STARD9: variants seen among roughly 807,000 people sequenced by gnomAD.
STARD9 encodes StAR related lipid transfer domain containing 9.
Under a neutral mutation model 399.8 loss-of-function variants are expected in STARD9, and 346 were observed. That is an observed-to-expected ratio of 0.87 (90% CI 0.79 to 0.95). STARD9 has a LOEUF of 0.95. STARD9 is among the 40% of genes least tolerant of loss of function. The pLI is 0.00. For missense variants in STARD9, 5,832 were observed against 5,667.5 expected (o/e 1.03, Z -0.93); for synonymous variants, 2,203 against 2,143.5 (o/e 1.03, Z -0.77).
At chr15:42,694,377 G>T (rs753022106) in intron 23 of STARD9, 35 bp downstream of exon 23, 1 of 1,536,058 alleles carries the variant, frequency 6.5e-7, no homozygotes, top group South Asian at 1.2e-5. Context: ...GGAGGGGAAG[G>T]GGTGGGCTGT....
intron 26 of STARD9, among the ~76,000 whole-genome samples, chr15:42,697,594 A>T (rs2060871257): frequency 6.6e-6 from 1 of 152,166 alleles, no homozygotes; most frequent in Non-Finnish European, 1.5e-5. Context: ...GCACTGTGAC[A>T]CCGGAAGTGG....
At position 42,687,315 on chromosome 15, in the gene STARD9, T is replaced by G; in HGVS notation, c.5737T>G (p.Ser1913Ala). Reference protein sequence around the residue: ...ESGKSLLFRESEAREEEELDQ... With the variant: ...ESGKSLLFREAEAREEEELDQ... ...TGGGAAGTCTCTCCTCTTTCGTGAA[T>G]CTGAGGCACGAGAGGAAGAAGAGCT... Residue 1913 changes from serine to alanine, a missense_variant, in exon 23 of 33, where the codon TCT becomes GCT. Physicochemically the swap from Ser to Ala is moderately conservative, Grantham distance 99. This residue lies in a region of STARD9 where 5,828 missense variants were observed against 5,651.1 expected (regional missense o/e 1.03). Transcript: ENST00000290607. 2 of 1,536,832 alleles carry G rather than the reference T, an allele frequency of 1.3e-6. No homozygotes were observed. Among genetic ancestry groups the G allele is most frequent in the Non-Finnish European group, 1.7e-6 (2 of 1,146,930 alleles).
chr15:42,677,340 G>A (rs2060331583), intron 20 of STARD9, among the ~76,000 whole-genome samples: 1 of 152,258 alleles, frequency 6.6e-6, no homozygotes, highest in Admixed American at 6.5e-5. Context: ...GAGCTGCTGA[G>A]TGAAGGATGC....
At chr15:42,702,884 C>T (rs528189204) in intron 26 of STARD9, among the ~76,000 whole-genome samples, 30 of 152,220 alleles carry the variant, frequency 2.0e-4, no homozygotes, top group African/African-American at 6.7e-4. Context: ...AGGTTTTTGC[C>T]GAGAAGTCTG....
chr15:42,588,889 G>T (rs1055618615), intron 3 of STARD9, among the ~76,000 whole-genome samples: 1 of 145,654 alleles, frequency 6.9e-6, no homozygotes, highest in African/African-American at 2.6e-5. Context: ...ATCTTGGCTC[G>T]CTGCAACCTC....
Position 42,692,190 on chromosome 15 carries a change from C to T in STARD9, c.10612C>T (p.Leu3538=). The T allele has an allele frequency of 2.0e-6, 3 of 1,537,134 alleles. No individual in the cohort carries two copies. Among genetic ancestry groups the T allele is most frequent in the African/African-American group, 1.4e-5 (1 of 73,152 alleles). ...HLSTYANICD[L]STTHSSTENA... ...CAGCACTTACGCCAATATTTGTGATCTGTCAACCACACACAGCAGCACTGA... is the reference window on the plus strand; with the variant it reads ...CAGCACTTACGCCAATATTTGTGATTTGTCAACCACACACAGCAGCACTGA... The change falls in exon 23 of 33, where the codon CTG becomes TTG. Residue 3538 remains leucine, a synonymous_variant. Transcript: ENST00000290607.
At chr15:42,699,188 C>A (rs766830451) in intron 26 of STARD9, among the ~76,000 whole-genome samples, 11 of 151,928 alleles carry the variant, frequency 7.2e-5, no homozygotes, top group African/African-American at 1.5e-4. Flanking sequence ...AACATAAAAC[C>A]CTTTCTAGCC....
intron 3 of STARD9, among the ~76,000 whole-genome samples, chr15:42,615,602 G>A (rs1419043151): frequency 6.6e-6 from 1 of 151,228 alleles, no homozygotes; most frequent in African/African-American, 2.4e-5. Flanking sequence ...AAAAATGTGT[G>A]TGTTTATGAT....
At chr15:42,680,888 C>CA (rs1311410485) in intron 20 of STARD9, among the ~76,000 whole-genome samples, 3 of 152,134 alleles carry the variant, frequency 2.0e-5, no homozygotes, top group Admixed American at 1.3e-4. Context: ...GGGTCACACA[C>CA]ACACAGGCGT....
chr15:42,592,254 T>A (rs1276639645), intron 3 of STARD9, among the ~76,000 whole-genome samples: 2 of 152,068 alleles, frequency 1.3e-5, no homozygotes, highest in Non-Finnish European at 2.9e-5. Flanking sequence ...GACTGCAAAG[T>A]TCATATTCAA....
intron 26 of STARD9, among the ~76,000 whole-genome samples, chr15:42,706,145 CTT>C (rs948091981): frequency 1.5e-4 from 23 of 152,184 alleles, no homozygotes; most frequent in African/African-American, 5.1e-4. Flanking sequence ...TGTGGATTGA[CTT>C]AGGGAGAAAC....
intron 4 of STARD9, 25 bp downstream of exon 4, chr15:42,634,997 C>T: frequency 7.6e-7 from 1 of 1,312,510 alleles, no homozygotes; most frequent in Non-Finnish European, 1.1e-6. Context: ...GATATATATT[C>T]CTAATGCCAC....
At chr15:42,628,788 T>G (rs2059275009) in intron 3 of STARD9, among the ~76,000 whole-genome samples, 1 of 152,164 alleles carries the variant, frequency 6.6e-6, no homozygotes, top group South Asian at 2.1e-4. Flanking sequence ...TTGGTCTGCG[T>G]GTCTGTTTTT....
chr15:42,718,780 C>A lies in STARD9; in HGVS notation c.13871C>A (p.Ser4624Tyr). ...CACCTGTCTGTCATGGCAGCCCAGTCTGTGTATGATACATCCATGCCAAGA... is the reference window on the plus strand; with the variant it reads ...CACCTGTCTGTCATGGCAGCCCAGTATGTGTATGATACATCCATGCCAAGA... ...EGHLSVMAAQ[S>Y]VYDTSMPRPS... The change falls in exon 32 of 33, where the codon TCT becomes TAT. Residue 4624 changes from serine (S) to tyrosine (Y), a missense_variant. Physicochemically the swap from Ser to Tyr is moderately radical, Grantham distance 144. Coordinates refer to ENST00000290607, the MANE Select transcript of STARD9 (RefSeq NM_020759.3). 5 of 1,537,262 alleles carry A rather than the reference C, an allele frequency of 3.3e-6. No individual in the cohort carries two copies. Among genetic ancestry groups the A allele is most frequent in the Non-Finnish European group, 4.4e-6 (5 of 1,146,916 alleles).
rs1485582130 is a variant in STARD9 at position 42,710,157 on chromosome 15, C to T, written c.13285-6520C>T. Among the ~76,000 whole-genome samples, 6 of 149,386 alleles carry T rather than the reference C, an allele frequency of 4.0e-5. No homozygotes were observed. In the East Asian group the frequency reaches 5.9e-4, roughly 15 times the overall value. ...TCACTGCAGCCTCGACCTCCCTGGG[C>T]GCCGGTGATCCTCCCACCTCAGCCT... On this transcript the variant is annotated intron_variant, in intron 26 of 32. Transcript: ENST00000290607.
At chr15:42,607,221 A>T (rs1424985133) in intron 3 of STARD9, among the ~76,000 whole-genome samples, 53 of 12,962 alleles carry the variant, frequency 4.1e-3, no homozygotes, top group East Asian at 0.016. Flanking sequence ...TTTTTTTTTT[A>T]AGATGGAGTC....
intron 20 of STARD9, among the ~76,000 whole-genome samples, chr15:42,680,762 C>G (rs950850163): frequency 1.3e-5 from 2 of 152,158 alleles, no homozygotes; most frequent in Non-Finnish European, 2.9e-5. Flanking sequence ...ACATATTTCA[C>G]CAGTAAATGC....
chr15:42,587,471 C>T (rs1197511532), intron 3 of STARD9, among the ~76,000 whole-genome samples: 3 of 152,202 alleles, frequency 2.0e-5, no homozygotes, highest in African/African-American at 4.8e-5. Context: ...GCAGTGTGGA[C>T]ATTACCTGCC....
At position 42,688,733 on chromosome 15, in the gene STARD9, G is replaced by T; in HGVS notation, c.7155G>T (p.Thr2385=). Residue 2385 remains threonine (T), a synonymous_variant, in exon 23 of 33, where the codon ACG becomes ACT. Coordinates refer to ENST00000290607, the MANE Select transcript of STARD9 (RefSeq NM_020759.3). ...GAGTAGAGCATCAGGACCAGAGTAC[G>T]GAGACCAGAAGCCACAGCCCCGAAG... ...VTGVEHQDQS[T]ETRSHSPEGN... 6.5e-7 allele frequency: 1 copy of T among 1,537,686 alleles called. No homozygotes were observed. Among genetic ancestry groups the T allele is most frequent in the Non-Finnish European group, 8.7e-7 (1 of 1,147,008 alleles).
Sources: gnomAD v4.1 joint callset for allele counts (sites outside exome capture counted in the v4.1 genomes callset) on GRCh38, gnomAD v4.1.1 for gene constraint, gnomAD v4.1.1 regional missense constraint, MANE v1.5 for transcripts, NCBI Gene and HGNC (gene_info 2026-07-23, HGNC 2026-07-21) for gene names.